Variants in LEKR1 observed in about 807,000 individuals in gnomAD.
LEKR1 encodes protein LEKR1.
A neutral mutation model predicts 72.4 loss-of-function variants in LEKR1; 59 were observed. The ratio of observed to expected loss-of-function variants is 0.82; its 90% CI spans 0.66 to 1.01. The LOEUF (loss-of-function observed/expected upper bound fraction) is 1.01, where lower values mean the gene tolerates loss of function less well. Among genes scored for constraint, LEKR1 ranks in the 50% least tolerant of loss-of-function variants. The pLI, the probability that LEKR1 is intolerant of heterozygous loss-of-function variation, is 0.00. For missense variants in LEKR1, 728 were observed against 759.2 expected, an observed-to-expected ratio of 0.96 and a Z score of 0.48; for synonymous variants, 257 against 263.2, an observed-to-expected ratio of 0.98 and a Z score of 0.23.
In LEKR1 at chr3:157,043,922, C is replaced by G. The variant is rs540796844; in HGVS notation, c.1669-1418C>G. Among the ~76,000 whole-genome samples, 15 of 152,244 alleles carry G rather than the reference C, an allele frequency of 9.9e-5. No homozygotes were observed. In the East Asian group the frequency reaches 2.9e-3, roughly 29 times the overall value. The stretch of plus-strand genomic sequence containing the variant: ...TGAGTATTTGTTTGACCCAGGAATG[C>G]AGCTTTTATAAAAAATTACTGTGCA... On this transcript the variant is annotated intron_variant, in intron 12 of 12. Transcript: ENST00000356539.
At chr3:157,005,996 T>C (rs1387267921) in intron 9 of LEKR1, among the ~76,000 whole-genome samples, 1 of 149,582 alleles carries the variant, frequency 6.7e-6, no homozygotes, top group African/African-American at 2.5e-5. Flanking sequence ...GATACTACTA[T>C]ACATTTTTTT....
Position 156,920,667 on chromosome 3 carries a change from T to C in LEKR1, c.356T>C (p.Ile119Thr), listed in dbSNP as rs911794103. The part of the protein sequence containing the change: ...QLSHLQDELK[I>T]KYRQSYIFSQ... ...AGTCATTTGCAAGATGAGCTAAAAA[T>C]TAAATATAGACAATCATACATCTTC... The change falls in exon 4 of 13, where the codon ATT (isoleucine) becomes ACT (threonine). Residue 119 changes from isoleucine to threonine, a missense_variant. Physicochemically the swap from Ile to Thr is moderately conservative, Grantham distance 89 (BLOSUM62 -1). Transcript: ENST00000356539. 8.4e-6 allele frequency: 12 copies of C among 1,424,540 alleles called. No individual in the cohort carries two copies. The highest frequency in any genetic ancestry group is 4.3e-5 in the African/African-American group (3 of 69,636). The allele number at this position is 1,424,540 out of a possible 1,614,324, so 88.2% of individuals were successfully genotyped here. A position where few individuals can be genotyped will look rare whatever the true frequency, so the allele number is the denominator to read the frequency against.
At chr3:157,036,214 G>A (rs1486998512) in intron 12 of LEKR1, among the ~76,000 whole-genome samples, 3 of 151,978 alleles carry the variant, frequency 2.0e-5, no homozygotes, top group Admixed American at 2.0e-4. Flanking sequence ...TCCTCAGAGA[G>A]AAAAGAGATG....
intron 3 of LEKR1, among the ~76,000 whole-genome samples, chr3:156,900,173 G>A (rs1721874775): frequency 6.6e-6 from 1 of 152,172 alleles, no homozygotes; most frequent in Non-Finnish European, 1.5e-5. Flanking sequence ...CAGGAGACTG[G>A]TTTTGTGGGA....
chr3:156,873,846 A>G (rs1374901942), intron 3 of LEKR1, among the ~76,000 whole-genome samples: 1 of 152,136 alleles, frequency 6.6e-6, no homozygotes. Flanking sequence ...TGGCCCATAA[A>G]GTTTCTGCTG....
intron 7 of LEKR1, among the ~76,000 whole-genome samples, chr3:156,990,460 T>A (rs1731066236): frequency 6.6e-6 from 1 of 152,220 alleles, no homozygotes. Context: ...CCAAAATTTA[T>A]CCTTAGATAT....
At chr3:156,936,477 C>T (rs1361043122) in intron 5 of LEKR1, among the ~76,000 whole-genome samples, 1 of 139,868 alleles carries the variant, frequency 7.1e-6, no homozygotes, top group Non-Finnish European at 1.5e-5. Flanking sequence ...CCCCCGTATG[C>T]CTAGCAGAAT....
chr3:156,853,548 C>T (rs865880232), intron 3 of LEKR1, among the ~76,000 whole-genome samples: 13 of 151,992 alleles, frequency 8.6e-5, no homozygotes, highest in South Asian at 8.3e-4. Context: ...TATAGTTTTT[C>T]CTATGAATGA....
intron 2 of LEKR1, among the ~76,000 whole-genome samples, chr3:156,836,749 G>T (rs915767269): frequency 2.0e-5 from 3 of 152,140 alleles, no homozygotes; most frequent in Non-Finnish European, 2.9e-5. Flanking sequence ...TCAGAGAAAA[G>T]AAAATTCAAG....
At chr3:156,915,116 G>C (rs564440985) in intron 3 of LEKR1, among the ~76,000 whole-genome samples, 2 of 152,152 alleles carry the variant, frequency 1.3e-5, no homozygotes, top group South Asian at 4.1e-4. Flanking sequence ...CAAAGGACAT[G>C]ATCTCATTCT....
At chr3:156,981,364 G>C (rs1730184982) in intron 7 of LEKR1, among the ~76,000 whole-genome samples, 1 of 152,158 alleles carries the variant, frequency 6.6e-6, no homozygotes, top group Non-Finnish European at 1.5e-5. Context: ...GGGTAGACTG[G>C]AGATGCAGGG....
chr3:156,864,655 A>T (rs555528116), intron 3 of LEKR1, among the ~76,000 whole-genome samples: 1 of 152,166 alleles, frequency 6.6e-6, no homozygotes, highest in Non-Finnish European at 1.5e-5. Flanking sequence ...AAAAGTTCTA[A>T]TTCAGATCAT....
intron 12 of LEKR1, among the ~76,000 whole-genome samples, chr3:157,033,004 A>G (rs1310354499): frequency 1.3e-5 from 2 of 152,196 alleles, no homozygotes; most frequent in Admixed American, 6.5e-5. Flanking sequence ...TGATGTTACT[A>G]TTACACTTGT....
intron 3 of LEKR1, among the ~76,000 whole-genome samples, chr3:156,867,257 T>C: frequency 6.6e-6 from 1 of 152,272 alleles, no homozygotes; most frequent in East Asian, 1.9e-4. Context: ...ATAAAATTTG[T>C]AGTCCAAATT....
chr3:156,909,673 G>GAAAA (rs1722921746), intron 3 of LEKR1, among the ~76,000 whole-genome samples: 2 of 115,920 alleles, frequency 1.7e-5, no homozygotes, highest in South Asian at 3.0e-4. Flanking sequence ...AAAAAAAAAA[G>GAAAA]AAATCTTCAA....
chr3:156,847,634 A>G (rs966486617), intron 2 of LEKR1, among the ~76,000 whole-genome samples: 20 of 152,166 alleles, frequency 1.3e-4, no homozygotes, highest in Admixed American at 1.3e-3. Flanking sequence ...GGGTTATTAC[A>G]TTTTTTTCTA....
chr3:156,977,622 G>C (rs553234050), intron 6 of LEKR1: 2 of 270,380 alleles, frequency 7.4e-6, no homozygotes, highest in Non-Finnish European at 1.5e-5. Flanking sequence ...AAGTTTCCAC[G>C]TGAAATCATA....
chr3:156,908,144 A>G (rs761719075), intron 3 of LEKR1, among the ~76,000 whole-genome samples: 6 of 152,166 alleles, frequency 3.9e-5, no homozygotes, highest in Non-Finnish European at 8.8e-5. Context: ...TTACTGGTGA[A>G]GTTAACCTTA....
intron 3 of LEKR1, chr3:156,853,238 T>C (rs921673373): frequency 1.6e-5 from 4 of 245,450 alleles, no homozygotes; most frequent in Non-Finnish European, 2.3e-5. Context: ...CAAATTTTTT[T>C]CCCAGGTATA....
Sources: allele counts gnomAD v4.1 joint callset (sites outside exome capture counted in the v4.1 genomes callset), GRCh38; gene constraint gnomAD v4.1.1; transcripts MANE v1.5; gene names NCBI Gene and HGNC (gene_info 2026-07-23, HGNC 2026-07-21).